Variants in KCNQ5 observed in about 807,000 individuals in gnomAD.
KCNQ5 encodes potassium voltage-gated channel subfamily Q member 5.
Under a neutral mutation model 98.2 loss-of-function variants are expected in KCNQ5, and 30 were observed. The ratio of observed to expected loss-of-function variants is 0.31; its 90% confidence interval spans 0.23 to 0.41. KCNQ5 has a LOEUF of 0.41. Ranked by LOEUF, KCNQ5 falls within the 10% of genes least tolerant of loss-of-function variation. KCNQ5 has a pLI of 1.00. For missense variants in KCNQ5, 835 were observed against 1,182.5 expected (o/e 0.71, Z 4.31); for synonymous variants, 458 against 449.4 (o/e 1.02, Z -0.24).
chr6:72,850,336 T>A (rs1457013737), intron 1 of KCNQ5, among the ~76,000 whole-genome samples: 2 of 152,210 alleles, frequency 1.3e-5, no homozygotes, highest in Non-Finnish European at 2.9e-5. Flanking sequence ...CGATCTATAA[T>A]GGCATTCATT....
intron 2 of KCNQ5, among the ~76,000 whole-genome samples, chr6:73,034,767 G>T (rs1456734484): frequency 6.6e-6 from 1 of 151,656 alleles, no homozygotes; most frequent in Admixed American, 6.6e-5. Flanking sequence ...GGAAAAGAGG[G>T]TTAATATGGA....
intron 1 of KCNQ5, among the ~76,000 whole-genome samples, chr6:72,908,466 C>T (rs971769895): frequency 3.3e-5 from 5 of 152,092 alleles, no homozygotes; most frequent in African/African-American, 9.7e-5. Context: ...TTTTGTAAAA[C>T]TCAAATATAA....
intron 11 of KCNQ5, among the ~76,000 whole-genome samples, chr6:73,184,705 G>A (rs1251574338): frequency 6.6e-6 from 1 of 152,256 alleles, no homozygotes; most frequent in Non-Finnish European, 1.5e-5. Flanking sequence ...CTACCCCAGT[G>A]AGGGTGGTTA....
At chr6:73,011,782 A>G (rs1231913142) in intron 2 of KCNQ5, among the ~76,000 whole-genome samples, 1 of 152,026 alleles carries the variant, frequency 6.6e-6, no homozygotes, top group Non-Finnish European at 1.5e-5. Context: ...AACAAAAACA[A>G]CCTAATTCAA....
chr6:72,667,059 AT>A lies in KCNQ5; in HGVS notation c.398+44483del, dbSNP rs879918705. Among the ~76,000 whole-genome samples, 252 of 149,606 alleles carry A rather than the reference AT, an allele frequency of 1.7e-3. 2 individuals carry two copies. The highest frequency in any genetic ancestry group is 0.014 in the Middle Eastern group (4 of 290). On this transcript the variant is annotated intron_variant, in intron 1 of 13. Coordinates refer to ENST00000370398, the MANE Select transcript of KCNQ5 (RefSeq NM_019842.4). ...ATATTCATTAGGAAATAAATGAAAT[AT>A]TTTTTTTTTTCAAAGAAGATGTGAG...
intron 1 of KCNQ5, among the ~76,000 whole-genome samples, chr6:72,635,694 T>TC (rs1309868468): frequency 1.4e-5 from 2 of 143,366 alleles, no homozygotes; most frequent in African/African-American, 5.2e-5. Flanking sequence ...TTTTTTTTTT[T>TC]CCTTTCTCTC....
At chr6:72,801,773 C>T (rs1380118445) in intron 1 of KCNQ5, among the ~76,000 whole-genome samples, 1 of 152,000 alleles carries the variant, frequency 6.6e-6, no homozygotes, top group Admixed American at 6.6e-5. Context: ...ACCGGTTGTT[C>T]CTTTCTATGT....
chr6:72,922,842 C>G (rs1206507886), intron 1 of KCNQ5, among the ~76,000 whole-genome samples: 1 of 104,024 alleles, frequency 9.6e-6, no homozygotes, highest in Non-Finnish European at 1.8e-5. Flanking sequence ...GATGGAATCT[C>G]ACTCTGTCAC....
intron 1 of KCNQ5, among the ~76,000 whole-genome samples, chr6:72,843,157 G>A (rs956320203): frequency 6.6e-5 from 10 of 152,102 alleles, no homozygotes; most frequent in African/African-American, 2.4e-4. Flanking sequence ...GTTAATTTTT[G>A]TATAAGGTTT....
chr6:72,721,372 G>A (rs992584614), intron 1 of KCNQ5, among the ~76,000 whole-genome samples: 1 of 151,900 alleles, frequency 6.6e-6, no homozygotes, highest in Non-Finnish European at 1.5e-5. Flanking sequence ...ACAAACTAGT[G>A]TGTAAACAAG....
chr6:73,034,775 G>A (rs896785913), intron 2 of KCNQ5, among the ~76,000 whole-genome samples: 1 of 151,852 alleles, frequency 6.6e-6, no homozygotes, highest in Admixed American at 6.6e-5. Flanking sequence ...GGGTTAATAT[G>A]GATTGGTATT....
chr6:72,859,634 G>T (rs1448173319), intron 1 of KCNQ5, among the ~76,000 whole-genome samples: 2 of 151,734 alleles, frequency 1.3e-5, no homozygotes, highest in Non-Finnish European at 2.9e-5. Flanking sequence ...AGGCTGAAGT[G>T]CAGTGGAGCA....
rs140984369 is a variant in KCNQ5 at position 73,087,479 on chromosome 6, A to G, written c.918+9592A>G. ...GTGTGACATCTAAATGGAACTGTCA[A>G]CTGCAGATATGTGAATTGGGAACTC... On this transcript the variant is annotated intron_variant, in intron 5 of 13. Coordinates refer to ENST00000370398, the MANE Select transcript of KCNQ5 (RefSeq NM_019842.4). 3.2e-3 allele frequency among the ~76,000 whole-genome samples: 493 copies of G among 152,306 alleles called. 1 individual carries two copies. The highest frequency in any genetic ancestry group is 0.011 in the African/African-American group (468 of 41,558).
chr6:73,119,020 C>CAAAT (rs1002501716), intron 7 of KCNQ5, among the ~76,000 whole-genome samples: 9 of 151,916 alleles, frequency 5.9e-5, no homozygotes, highest in African/African-American at 2.2e-4. Flanking sequence ...GACCCTGTCT[C>CAAAT]AAATAAATAA....
At chr6:72,888,868 A>C (rs1279223550) in intron 1 of KCNQ5, among the ~76,000 whole-genome samples, 1 of 152,172 alleles carries the variant, frequency 6.6e-6, no homozygotes, top group Non-Finnish European at 1.5e-5. Context: ...ATACTTTTAT[A>C]GGCACTGGGG....
At chr6:72,800,661 C>T (rs1193832697) in intron 1 of KCNQ5, among the ~76,000 whole-genome samples, 9 of 152,156 alleles carry the variant, frequency 5.9e-5, no homozygotes, top group Non-Finnish European at 1.3e-4. Context: ...TCCTTGCCTC[C>T]TGCTAGCTTT....
intron 1 of KCNQ5, among the ~76,000 whole-genome samples, chr6:72,737,523 G>T (rs529833498): frequency 2.0e-5 from 3 of 152,062 alleles, no homozygotes; most frequent in African/African-American, 7.2e-5. Context: ...AGCATTTCCT[G>T]AGAGTGTCTG....
At chr6:72,662,119 A>G (rs898874682) in intron 1 of KCNQ5, among the ~76,000 whole-genome samples, 1 of 152,028 alleles carries the variant, frequency 6.6e-6, no homozygotes, top group Non-Finnish European at 1.5e-5. Context: ...CTGTTTCCCT[A>G]TTTAGAAAGC....
At chr6:72,910,975 C>G (rs1779920921) in intron 1 of KCNQ5, among the ~76,000 whole-genome samples, 1 of 152,144 alleles carries the variant, frequency 6.6e-6, no homozygotes, top group African/African-American at 2.4e-5. Flanking sequence ...AGCTCACACA[C>G]AGGGCCTGTG....
Sources: allele counts gnomAD v4.1 joint callset (sites outside exome capture counted in the v4.1 genomes callset), GRCh38; gene constraint gnomAD v4.1.1; transcripts MANE v1.5; gene names NCBI Gene and HGNC (gene_info 2026-07-23, HGNC 2026-07-21).